Variants in FARP1 observed in about 807,000 individuals in gnomAD.
FARP1 encodes the protein FERM, ARHGEF and pleckstrin domain-containing protein 1.
A neutral mutation model predicts 128.8 loss-of-function variants in FARP1; 52 were observed. The observed-to-expected ratio is 0.40, with a 90% CI of 0.32 to 0.51. The LOEUF is 0.51. FARP1 is among the 20% of genes least tolerant of loss of function. The probability of loss-of-function intolerance (pLI) is 0.45; values close to 1 mark genes in which losing one functional copy is unlikely to be tolerated. For synonymous variants in FARP1, 580 were observed against 551.8 expected (o/e 1.05, Z -0.72); for missense variants, 1,333 against 1,367.9 (o/e 0.97, Z 0.40).
intron 15 of FARP1, among the ~76,000 whole-genome samples, chr13:98,411,054 G>A (rs934655729): frequency 2.6e-5 from 4 of 152,154 alleles, no homozygotes; most frequent in African/African-American, 9.7e-5. Context: ...AAGTTCCTAA[G>A]GCAGAGAAAA....
chr13:98,441,630 C>T (rs1892528347), intron 24 of FARP1, among the ~76,000 whole-genome samples: 1 of 152,150 alleles, frequency 6.6e-6, no homozygotes, highest in East Asian at 1.9e-4. Context: ...CCAGGTGGGC[C>T]AGGGAGTAAG....
At position 98,349,671 on chromosome 13, in the gene FARP1, GGAAAAAAA is replaced by G. The variant is rs1369587632; in HGVS notation, c.276+5806_276+5813del. On this transcript the variant is annotated intron_variant, in intron 3 of 26. Coordinates refer to ENST00000319562, the MANE Select transcript of FARP1 (RefSeq NM_005766.4). ...GGCGACAGAGCAAGACCCATCTCAG[GGAAAAAAA>G]AAAAAAAAAAAAAAAAAAAAAAAGA... 7.3e-4 allele frequency among the ~76,000 whole-genome samples: 61 copies of G among 83,146 alleles called. 1 individual carries two copies. Among genetic ancestry groups the G allele is most frequent in the African/African-American group, 2.5e-3 (58 of 23,188 alleles). 54.5% of individuals were successfully genotyped at this position (83,146 alleles called of 152,430 possible).
chr13:98,214,578 T>C (rs1880946074), intron 2 of FARP1, among the ~76,000 whole-genome samples: 2 of 152,266 alleles, frequency 1.3e-5, no homozygotes, highest in South Asian at 4.1e-4. Context: ...TTATGGGATA[T>C]GAGTCAGCGA....
At chr13:98,400,181 C>G (rs763007617) in intron 13 of FARP1, 1 of 152,184 alleles carries the variant, frequency 6.6e-6, no homozygotes, top group African/African-American at 2.4e-5. Context: ...CTGAAAAAAG[C>G]TAGGCCTGCA....
Position 98,395,578 on chromosome 13 carries a change from C to G in FARP1, c.1414+102C>G, listed in dbSNP as rs1022542647. 4 of 1,372,170 alleles carry G rather than the reference C, an allele frequency of 2.9e-6. No homozygotes were observed. In the African/African-American group the frequency reaches 5.9e-5, roughly 20 times the overall value. 85.0% of individuals were successfully genotyped at this position (1,372,170 alleles called of 1,614,324 possible). On this transcript the variant is annotated intron_variant, in intron 13 of 26. Transcript: ENST00000319562. Reference sequence around the variant, plus strand: ...CGACCTTCTTAGAGAACAAGCGTCCCGATCCCGGTCCCGATCCCGGTCCCG... The same window carrying G: ...CGACCTTCTTAGAGAACAAGCGTCCGGATCCCGGTCCCGATCCCGGTCCCG...
At position 98,155,948 on chromosome 13, in the gene FARP1, T is replaced by G. The variant is rs149810430; in HGVS notation, c.-24+12456T>G. Among the ~76,000 whole-genome samples the G allele has an allele frequency of 2.9e-4, 44 of 152,302 alleles. No homozygotes were observed. The East Asian group carries it at 8.3e-3, about 29-fold the overall frequency. ...TGTGGCTGCCAGGAGGCAAGAATCATTGAGTGCTGTCTTGGAAGCTGGCTG... is the reference window on the plus strand; with the variant it reads ...TGTGGCTGCCAGGAGGCAAGAATCAGTGAGTGCTGTCTTGGAAGCTGGCTG... On this transcript the variant is annotated intron_variant, in intron 1 of 26. Coordinates refer to ENST00000319562, the MANE Select transcript of FARP1 (RefSeq NM_005766.4).
At chr13:98,366,738 A>G (rs1355317757) in intron 4 of FARP1, among the ~76,000 whole-genome samples, 3 of 152,206 alleles carry the variant, frequency 2.0e-5, no homozygotes, top group Non-Finnish European at 4.4e-5. Flanking sequence ...CGCAGAGAAT[A>G]AGTGGTGCAG....
At chr13:98,395,839 G>A (rs1890517118) in intron 13 of FARP1, 4 of 400,970 alleles carry the variant, frequency 1.0e-5, no homozygotes, top group African/African-American at 8.2e-5. Flanking sequence ...CAAGGGCTCG[G>A]CTGGTCACAG....
At chr13:98,169,198 C>T (rs1207512120) in intron 1 of FARP1, among the ~76,000 whole-genome samples, 3 of 152,088 alleles carry the variant, frequency 2.0e-5, no homozygotes, top group Admixed American at 6.6e-5. Context: ...GGTGCTTCAC[C>T]TTCTGTAGCA....
chr13:98,192,167 T>G (rs751861322), intron 1 of FARP1, among the ~76,000 whole-genome samples: 4 of 152,138 alleles, frequency 2.6e-5, no homozygotes, highest in Non-Finnish European at 4.4e-5. Flanking sequence ...GATTTTTGAG[T>G]GTAGACTGTT....
chr13:98,238,233 G>C (rs1882550191), intron 2 of FARP1, among the ~76,000 whole-genome samples: 1 of 152,202 alleles, frequency 6.6e-6, no homozygotes, highest in African/African-American at 2.4e-5. Flanking sequence ...TTTTCATGCA[G>C]ATGTCTCTGC....
chr13:98,331,502 A>G (rs1044402725), intron 2 of FARP1, among the ~76,000 whole-genome samples: 1 of 152,168 alleles, frequency 6.6e-6, no homozygotes, highest in Non-Finnish European at 1.5e-5. Flanking sequence ...GTTTTATTTT[A>G]TAGTGATTAA....
intron 2 of FARP1, among the ~76,000 whole-genome samples, chr13:98,255,340 A>G (rs1436692783): frequency 6.6e-6 from 1 of 152,166 alleles, no homozygotes; most frequent in Admixed American, 6.5e-5. Flanking sequence ...TCTACTAAAA[A>G]TAGAAAAAAA....
chr13:98,352,716 T>G (rs1304879921), intron 3 of FARP1, among the ~76,000 whole-genome samples: 4 of 152,238 alleles, frequency 2.6e-5, no homozygotes, highest in African/African-American at 2.4e-5. Flanking sequence ...GACACCACGT[T>G]TGGCCTTGCC....
intron 1 of FARP1, among the ~76,000 whole-genome samples, chr13:98,179,186 G>A (rs770412484): frequency 5.3e-4 from 79 of 150,226 alleles, no homozygotes; most frequent in Non-Finnish European, 5.8e-4. Context: ...GGTAGAAGGT[G>A]AAAGGCATGT....
At chr13:98,169,307 C>T (rs16954998) in intron 1 of FARP1, among the ~76,000 whole-genome samples, 13,693 of 152,164 alleles carry the variant, frequency 0.09, 792 homozygotes, top group African/African-American at 0.15. Flanking sequence ...TTCTTGGACA[C>T]GCTCTTTTCT....
intron 1 of FARP1, among the ~76,000 whole-genome samples, chr13:98,211,517 A>T (rs1416990724): frequency 6.6e-6 from 1 of 152,262 alleles, no homozygotes; most frequent in Non-Finnish European, 1.5e-5. Context: ...CTGCTCTAGC[A>T]CCTGACTTCA....
intron 2 of FARP1, among the ~76,000 whole-genome samples, chr13:98,219,342 A>G (rs1419829550): frequency 6.6e-6 from 1 of 151,354 alleles, no homozygotes; most frequent in African/African-American, 2.4e-5. Flanking sequence ...CTTTGTCTAT[A>G]TTTATTTATT....
chr13:98,340,189 C>G (rs1887907955), intron 2 of FARP1, among the ~76,000 whole-genome samples: 2 of 152,112 alleles, frequency 1.3e-5, no homozygotes, highest in South Asian at 4.2e-4. Flanking sequence ...TCCCAGAACT[C>G]TTTGGGAAAT....
Sources: gnomAD v4.1 joint callset for allele counts (sites outside exome capture counted in the v4.1 genomes callset) on GRCh38, gnomAD v4.1.1 for gene constraint, MANE v1.5 for transcripts, NCBI Gene and HGNC (gene_info 2026-07-23, HGNC 2026-07-21) for gene names.